The following SNX29 variants were observed in gnomAD, a reference collection of about 807,000 sequenced individuals.
SNX29 encodes sorting nexin 29.
In SNX29, 78 loss-of-function variants were observed where a neutral mutation model predicts 102.1. That is an observed-to-expected ratio of 0.76 (90% CI 0.64 to 0.92). The LOEUF is 0.92. SNX29 is among the 40% of genes least tolerant of loss of function. The probability of loss-of-function intolerance (pLI) is 0.00; values close to 1 mark genes in which losing one functional copy is unlikely to be tolerated. For missense variants in SNX29, 1,280 were observed against 1,061.7 expected, an observed-to-expected ratio of 1.21 and a Z score of -2.86; for synonymous variants, 580 against 414.5, an observed-to-expected ratio of 1.40 and a Z score of -4.85.
rs1300280242 is a variant in SNX29 at position 12,570,163 on chromosome 16, C to T, written c.*1534C>T. 1 of 1,065,332 alleles carries T rather than the reference C, an allele frequency of 9.4e-7. No individual in the cohort carries two copies. The highest frequency in any genetic ancestry group is 1.6e-5 in the African/African-American group (1 of 61,190). The allele number at this position is 1,065,332 out of a possible 1,614,324, so 66.0% of individuals were successfully genotyped here. On this transcript the variant is annotated 3_prime_UTR_variant, in exon 21 of 21. Transcript: ENST00000566228. The stretch of plus-strand genomic sequence containing the variant: ...TGAGATCACTCACACACAGCGCCCC[C>T]CCACCCCAGAGAAACCGAGTCAGCC...
intron 15 of SNX29, among the ~76,000 whole-genome samples, chr16:12,307,948 T>C (rs2080393398): frequency 6.6e-6 from 1 of 152,144 alleles, no homozygotes; most frequent in South Asian, 2.1e-4. Context: ...TCTGTTTGAG[T>C]TGTCTTCAGG....
At chr16:12,033,080 C>T (rs1186828205) in intron 4 of SNX29, among the ~76,000 whole-genome samples, 1 of 151,964 alleles carries the variant, frequency 6.6e-6, no homozygotes, top group Admixed American at 6.6e-5. Flanking sequence ...GTCTCGAGCT[C>T]CTGGCCTCAA....
chr16:12,045,426 A>G (rs757409620), intron 5 of SNX29, among the ~76,000 whole-genome samples: 19 of 151,858 alleles, frequency 1.3e-4, no homozygotes, highest in Non-Finnish European at 2.5e-4. Context: ...TGCAAGTTGG[A>G]CTCGGGAGAC....
intron 18 of SNX29, among the ~76,000 whole-genome samples, chr16:12,466,029 G>A (rs182861630): frequency 6.6e-6 from 1 of 152,272 alleles, no homozygotes; most frequent in African/African-American, 2.4e-5. Flanking sequence ...CAAGCCTACA[G>A]CTAACATCAT....
rs2151738042 is a variant in SNX29 at position 12,457,128 on chromosome 16, G to A, written c.2038-20591G>A. Among the ~76,000 whole-genome samples, 3 of 152,314 alleles carry A rather than the reference G, an allele frequency of 2.0e-5. No individual in the cohort carries two copies. In the Middle Eastern group the frequency reaches 0.01, roughly 518 times the overall value. ...CATTCAGGGCAGGTCAAGTCACATT[G>A]TGTGTTCATGTAGCATTTAAGGAGA... On this transcript the variant is annotated intron_variant, in intron 18 of 20. Coordinates refer to ENST00000566228, the MANE Select transcript of SNX29 (RefSeq NM_032167.5).
At chr16:12,555,835 C>T (rs1481202173) in intron 20 of SNX29, among the ~76,000 whole-genome samples, 3 of 152,170 alleles carry the variant, frequency 2.0e-5, no homozygotes. Context: ...AGCTGACTGA[C>T]CAACCCCCCT....
intron 3 of SNX29, among the ~76,000 whole-genome samples, chr16:12,018,939 A>T (rs1401355036): frequency 2.0e-5 from 3 of 151,814 alleles, no homozygotes; most frequent in Non-Finnish European, 4.4e-5. Flanking sequence ...GGTTAGAAAG[A>T]TTTAAATCTT....
intron 16 of SNX29, among the ~76,000 whole-genome samples, chr16:12,370,021 G>C (rs1196813014): frequency 6.6e-6 from 1 of 152,146 alleles, no homozygotes; most frequent in Non-Finnish European, 1.5e-5. Context: ...AGGAGTTTGA[G>C]ACCAGCCTGG....
At chr16:12,064,186 G>A (rs190341708) in intron 9 of SNX29, among the ~76,000 whole-genome samples, 1 of 152,150 alleles carries the variant, frequency 6.6e-6, no homozygotes, top group Non-Finnish European at 1.5e-5. Flanking sequence ...CGCTTAGCTG[G>A]GCCCCCTGAA....
At chr16:12,404,146 C>A (rs2084070300) in intron 18 of SNX29, among the ~76,000 whole-genome samples, 1 of 152,134 alleles carries the variant, frequency 6.6e-6, no homozygotes, top group Non-Finnish European at 1.5e-5. Flanking sequence ...AAAGGAGATT[C>A]CCCAAATGAG....
intron 16 of SNX29, among the ~76,000 whole-genome samples, chr16:12,391,181 A>G (rs995485120): frequency 6.6e-6 from 1 of 152,148 alleles, no homozygotes; most frequent in African/African-American, 2.4e-5. Flanking sequence ...CCTGGGCCCA[A>G]GCGATCCTCC....
chr16:12,067,222 G>C (rs189548176), intron 9 of SNX29, among the ~76,000 whole-genome samples: 1 of 152,058 alleles, frequency 6.6e-6, no homozygotes, highest in East Asian at 1.9e-4. Flanking sequence ...AACTTCTTGA[G>C]AATTTGGAGT....
At chr16:12,472,970 T>G (rs755826200) in intron 18 of SNX29, among the ~76,000 whole-genome samples, 5 of 152,162 alleles carry the variant, frequency 3.3e-5, no homozygotes, top group Non-Finnish European at 5.9e-5. Context: ...TTTTTATTGC[T>G]TGTTTTAAAA....
chr16:12,318,051 C>A (rs921856879), intron 15 of SNX29, among the ~76,000 whole-genome samples: 1 of 152,266 alleles, frequency 6.6e-6, no homozygotes, highest in Admixed American at 6.5e-5. Context: ...TTCGGCCCCA[C>A]GCTGGCTCTT....
chr16:12,438,709 C>T (rs1483438376), intron 18 of SNX29, among the ~76,000 whole-genome samples: 1 of 152,190 alleles, frequency 6.6e-6, no homozygotes, highest in East Asian at 1.9e-4. Flanking sequence ...CATGAATGAA[C>T]AGTCAGAAAG....
chr16:12,442,024 G>C (rs1009702916), intron 18 of SNX29, among the ~76,000 whole-genome samples: 2 of 151,736 alleles, frequency 1.3e-5, no homozygotes, highest in Non-Finnish European at 2.9e-5. Flanking sequence ...AGGTGATCTG[G>C]CCACCTCAGC....
chr16:12,374,449 G>A (rs535153698), intron 16 of SNX29: 2 of 152,222 alleles, frequency 1.3e-5, no homozygotes, highest in Admixed American at 6.5e-5. Flanking sequence ...TCCAGCTCTC[G>A]GGTCTGTCTG....
intron 20 of SNX29, among the ~76,000 whole-genome samples, chr16:12,553,856 G>C (rs985617675): frequency 1.3e-5 from 2 of 151,738 alleles, no homozygotes; most frequent in African/African-American, 2.4e-5. Context: ...GAAAGTGCTG[G>C]GATTTCAGAT....
At chr16:12,545,295 T>C (rs2077540236) in intron 20 of SNX29, among the ~76,000 whole-genome samples, 2 of 152,254 alleles carry the variant, frequency 1.3e-5, no homozygotes, top group South Asian at 4.2e-4. Context: ...CTTCGCCCTC[T>C]TTACATCTGG....
Sources: allele counts gnomAD v4.1 joint callset (sites outside exome capture counted in the v4.1 genomes callset), GRCh38; gene constraint gnomAD v4.1.1; transcripts MANE v1.5; gene names NCBI Gene and HGNC (gene_info 2026-07-23, HGNC 2026-07-21).